The following MIA3 variants were observed in gnomAD, a reference collection of about 807,000 sequenced individuals.
MIA3 encodes MIA SH3 domain ER export factor 3.
Under a neutral mutation model 192.4 loss-of-function variants are expected in MIA3, and 90 were observed. The observed-to-expected ratio is 0.47, with a 90% CI of 0.39 to 0.56. MIA3 has a LOEUF of 0.56. Ranked by LOEUF, MIA3 falls within the 20% of genes least tolerant of loss-of-function variation. MIA3 has a pLI of 0.00. For synonymous variants in MIA3, 740 were observed against 792.8 expected (o/e 0.93, Z 1.12); for missense variants, 2,123 against 2,269.4 (o/e 0.94, Z 1.31).
chr1:222,657,537 ATTCT>A (rs1475530015), intron 18 of MIA3, among the ~76,000 whole-genome samples: 5 of 152,008 alleles, frequency 3.3e-5, no homozygotes, highest in South Asian at 2.1e-4. Context: ...CTTCGAGCAC[ATTCT>A]TTCTATTTTT....
chr1:222,664,973 G>A, intron 27 of MIA3: 1 of 454,036 alleles, frequency 2.2e-6, no homozygotes, highest in Non-Finnish European at 4.5e-6. Context: ...TGAGGCAGGT[G>A]GATCCCTTGA....
chr1:222,628,293 C>A lies in MIA3; in HGVS notation c.1073C>A (p.Ser358Ter), dbSNP rs773897193. The A allele has an allele frequency of 6.2e-7, 1 of 1,613,854 alleles. No individual in the cohort carries two copies. Residue 358 changes from serine (S) to a stop codon, truncating the protein, a stop_gained, in exon 4 of 28, where the codon TCA (serine) becomes TAA (stop). Transcript: ENST00000344922. LOFTEE classifies it high-confidence loss of function. ...EKYPTDKEQN[S>*]NEEDKVQLTV... ...TATCCAACAGATAAAGAGCAGAATTCAAATGAAGAGGACAAGGTTCAGCTA... is the reference window on the plus strand; with the variant it reads ...TATCCAACAGATAAAGAGCAGAATTAAAATGAAGAGGACAAGGTTCAGCTA...
In MIA3 at chr1:222,632,292, A is replaced by G; in HGVS notation, c.3297A>G (p.Ser1099=). Residue 1099 remains serine (S), a synonymous_variant, in exon 5 of 28, where the codon TCA becomes TCG. Transcript: ENST00000344922. ...GGGACACTCATGCCTCAGAAGTGTC[A>G]CAGAAGCCAAATACTGAGAAAGACC... ...VIGDTHASEV[S]QKPNTEKDLD... 1 of 1,614,158 alleles carries G rather than the reference A, an allele frequency of 6.2e-7. No individual in the cohort carries two copies. The highest frequency in any genetic ancestry group is 8.5e-7 in the Non-Finnish European group (1 of 1,180,002).
At chr1:222,642,468 G>A (rs1354066731) in intron 6 of MIA3, among the ~76,000 whole-genome samples, 1 of 152,018 alleles carries the variant, frequency 6.6e-6, no homozygotes, top group Non-Finnish European at 1.5e-5. Context: ...GGCCATTTTG[G>A]TTGTTTCTAG....
Position 222,635,421 on chromosome 1 carries a change from C to T in MIA3, c.3477+2172C>T, listed in dbSNP as rs186997146. On this transcript the variant is annotated intron_variant, in intron 6 of 27. Transcript: ENST00000344922. ...AGACATGAATGGCAAGATATAAGGG[C>T]GCAGTGTTATAAGATGCCGACTTGA... Among the ~76,000 whole-genome samples, 218 of 152,116 alleles carry T rather than the reference C, an allele frequency of 1.4e-3. 5 individuals carry two copies. Among genetic ancestry groups the T allele is most frequent in the Admixed American group, 0.014 (210 of 15,290 alleles).
intron 27 of MIA3, 134 bp from the exon 28 acceptor site, chr1:222,665,175 G>A (rs1407901547): frequency 7.5e-6 from 5 of 670,336 alleles, no homozygotes; most frequent in East Asian, 5.4e-5. Context: ...TCCAGCCCAT[G>A]TGACAGGCAA....
rs1322249473 is a variant in MIA3, at chr1:222,644,419, A to T, written c.3478-1135A>T. The T allele has an allele frequency of 2.6e-6, 4 of 1,545,516 alleles. No individual in the cohort carries two copies. The African/African-American group carries it at 4.1e-5, about 16-fold the overall frequency. ...TCCGGAGGAGGAAGCTCTGAAAAAC[A>T]GGGGGCCCAGTGCCATTCCGCAGGG... is the stretch of plus-strand genomic sequence containing the variant. On this transcript the variant is annotated intron_variant, in intron 6 of 27. Coordinates refer to ENST00000344922, the MANE Select transcript of MIA3 (RefSeq NM_198551.4).
intron 6 of MIA3, chr1:222,644,434 A>G (rs1258482002): frequency 1.3e-6 from 2 of 1,549,996 alleles, no homozygotes; most frequent in Admixed American, 2.0e-5. Context: ...GCCCAGTGCC[A>G]TTCCGCAGGG....
chr1:222,631,991 C>A (rs1266077817), intron 4 of MIA3, among the ~76,000 whole-genome samples, 174 bp from the exon 5 acceptor site: 1 of 152,176 alleles, frequency 6.6e-6, no homozygotes, highest in African/African-American at 2.4e-5. Context: ...GTAGATTAGT[C>A]ATCCTTTAAA....
At chr1:222,648,365 T>C (rs1663253236) in intron 7 of MIA3, among the ~76,000 whole-genome samples, 3 of 152,208 alleles carry the variant, frequency 2.0e-5, no homozygotes, top group Non-Finnish European at 4.4e-5. Context: ...GAGGTGTGTA[T>C]CTTAGTACGA....
intron 2 of MIA3, among the ~76,000 whole-genome samples, chr1:222,623,379 A>G (rs183104641): frequency 2.0e-5 from 3 of 151,760 alleles, no homozygotes; most frequent in East Asian, 1.9e-4. Flanking sequence ...CCCTTTCCCT[A>G]TATACCTCTA....
intron 11 of MIA3, 27 bp downstream of exon 11, chr1:222,650,930 T>A: frequency 7.1e-7 from 1 of 1,401,956 alleles, no homozygotes; most frequent in Non-Finnish European, 9.9e-7. Context: ...TAAGTATTAC[T>A]AATAATTTGG....
rs767469385 is a variant in MIA3, at chr1:222,654,312, T to C, written c.4377+14T>C. 1.3e-5 allele frequency: 21 copies of C among 1,613,644 alleles called. No individual in the cohort carries two copies. Among genetic ancestry groups the C allele is most frequent in the Admixed American group, 8.3e-5 (5 of 59,972 alleles). On this transcript the variant is annotated intron_variant, in intron 16 of 27. Transcript: ENST00000344922. The stretch of plus-strand genomic sequence containing the variant: ...GATGTCTCTCGGGTATAATCGTTTT[T>C]AGAGTCCCATAATTGCCTGTGAATA...
At chr1:222,627,405 C>T (rs1313608933) in intron 3 of MIA3, among the ~76,000 whole-genome samples, 170 bp from the exon 4 acceptor site, 2 of 152,172 alleles carry the variant, frequency 1.3e-5, no homozygotes, top group Non-Finnish European at 2.9e-5. Flanking sequence ...AAAGTGGGTT[C>T]CAGCCTCCTA....
rs1281042568 is a variant in MIA3 at position 222,628,445 on chromosome 1, G to A, written c.1225G>A (p.Glu409Lys). The A allele has an allele frequency of 1.2e-6, 2 of 1,612,664 alleles. No homozygotes were observed. The highest frequency in any genetic ancestry group is 1.1e-5 in the South Asian group (1 of 90,726). ...DTMDLESSSS[E>K]EEKEDDDDAL... Reference sequence around the variant, plus strand: ...GATGGATTTAGAGAGCTCTAGTTCAGAGGAAGAAAAAGAAGATGATGATGA... The same window carrying A: ...GATGGATTTAGAGAGCTCTAGTTCAAAGGAAGAAAAAGAAGATGATGATGA... The change falls in exon 4 of 28, where the codon GAG (glutamate) becomes AAG (lysine). Residue 409 changes from glutamate (E) to lysine (K), a missense_variant. Glu to Lys is a moderately conservative substitution (Grantham distance 56, BLOSUM62 1). Around this residue, in one of 3 missense-constraint regions of MIA3, gnomAD observed 1,357 missense variants for 1,396.1 expected, o/e 0.97. Coordinates refer to ENST00000344922, the MANE Select transcript of MIA3 (RefSeq NM_198551.4).
At position 222,621,148 on chromosome 1, in the gene MIA3, T is replaced by C; in HGVS notation, c.134-11T>C. The C allele has an allele frequency of 6.3e-7, 1 of 1,595,984 alleles. No homozygotes were observed. On this transcript the variant is annotated splice_polypyrimidine_tract_variant and intron_variant, in intron 1 of 27. Coordinates refer to ENST00000344922, the MANE Select transcript of MIA3 (RefSeq NM_198551.4). ...TATCTGGCTATTTTTTTTCTCTCTC[T>C]TTATATACAGTGTTAATGTACCGCG...
At chr1:222,644,522 G>A (rs1253502954) in intron 6 of MIA3, 1 of 1,550,640 alleles carries the variant, frequency 6.4e-7, no homozygotes, top group Admixed American at 2.0e-5. Context: ...GCTACCCCGG[G>A]GGACCCGGAA....
intron 18 of MIA3, among the ~76,000 whole-genome samples, chr1:222,657,117 A>G (rs1663772006): frequency 6.6e-6 from 1 of 152,206 alleles, no homozygotes; most frequent in South Asian, 2.1e-4. Context: ...TTTGAGGTCT[A>G]AGATGATGTT....
chr1:222,660,313 T>C lies in MIA3; in HGVS notation c.5112T>C (p.Phe1704=). 6.2e-7 allele frequency: 1 copy of C among 1,607,764 alleles called. No individual in the cohort carries two copies. The highest frequency in any genetic ancestry group is 8.5e-7 in the Non-Finnish European group (1 of 1,178,202). Residue 1704 remains phenylalanine, a splice_region_variant and synonymous_variant, in exon 24 of 28, where the codon TTT becomes TTC. Coordinates refer to ENST00000344922, the MANE Select transcript of MIA3 (RefSeq NM_198551.4). ...GAAGAGATATGCCTAGAAGTGAATT[T>C]GGTGAGCATTCACATGTTTCCTTGC... ...LNRRDMPRSE[F]GSVDGPLPHP...
Sources: gnomAD v4.1 joint callset for allele counts (sites outside exome capture counted in the v4.1 genomes callset) on GRCh38, gnomAD v4.1.1 for gene constraint, gnomAD v4.1.1 regional missense constraint, MANE v1.5 for transcripts, NCBI Gene and HGNC (gene_info 2026-07-23, HGNC 2026-07-21) for gene names.